DLC1: variants seen among roughly 807,000 people sequenced by gnomAD.
The protein encoded by DLC1 is DLC1 Rho GTPase activating protein, also known as rho GTPase-activating protein 7.
DLC1 carries 54 observed loss-of-function variants against 140.3 expected under a neutral mutation model. The ratio of observed to expected loss-of-function variants is 0.38; its 90% CI spans 0.31 to 0.48. DLC1 has a LOEUF of 0.48. Among genes scored for constraint, DLC1 ranks in the 20% least tolerant of loss-of-function variants. DLC1 has a pLI of 0.96. For missense variants in DLC1, 2,536 were observed against 1,907.0 expected, an observed-to-expected ratio of 1.33 and a Z score of -6.14; for synonymous variants, 986 against 728.1, an observed-to-expected ratio of 1.35 and a Z score of -5.70.
intron 1 of DLC1, among the ~76,000 whole-genome samples, chr8:13,597,962 G>C (rs1285333211): frequency 6.6e-6 from 1 of 152,032 alleles, no homozygotes; most frequent in African/African-American, 2.4e-5. Flanking sequence ...AATTTATTGG[G>C]ATTGAAGATG....
chr8:13,376,914 G>C (rs535551969), intron 4 of DLC1, among the ~76,000 whole-genome samples: 3 of 152,060 alleles, frequency 2.0e-5, no homozygotes, highest in African/African-American at 7.2e-5. Flanking sequence ...TGGCTATATG[G>C]TATAGATTAT....
chr8:13,584,528 T>A (rs774102038), intron 1 of DLC1: 1 of 152,204 alleles, frequency 6.6e-6, no homozygotes, highest in Non-Finnish European at 1.5e-5. Context: ...GGCACTTGTT[T>A]TCCTCTGAGA....
At chr8:13,505,540 A>G (rs1436638573) in intron 1 of DLC1, among the ~76,000 whole-genome samples, 1 of 152,234 alleles carries the variant, frequency 6.6e-6, no homozygotes, top group African/African-American at 2.4e-5. Context: ...TTTTAAGGTT[A>G]AGCTGATGCA....
intron 5 of DLC1, among the ~76,000 whole-genome samples, chr8:13,149,556 T>G (rs1331113862): frequency 6.6e-6 from 1 of 152,190 alleles, no homozygotes; most frequent in Non-Finnish European, 1.5e-5. Flanking sequence ...AAAATCTGAT[T>G]AGGGTCCTTC....
intron 4 of DLC1, among the ~76,000 whole-genome samples, chr8:13,382,507 A>AAG (rs1836318837): frequency 1.1e-5 from 1 of 93,142 alleles, no homozygotes; most frequent in Admixed American, 9.9e-5. Flanking sequence ...CTCCGTCTCA[A>AAG]AAAAAAAAAA....
intron 5 of DLC1, among the ~76,000 whole-genome samples, chr8:13,206,184 T>G (rs1827655166): frequency 6.6e-6 from 1 of 152,200 alleles, no homozygotes; most frequent in South Asian, 2.1e-4. Context: ...GCCAATGATC[T>G]AAAGACTCAT....
Position 13,497,577 on chromosome 8 carries a change from T to C in DLC1, c.1023+1472A>G, listed in dbSNP as rs543815166. Among the ~76,000 whole-genome samples the C allele has an allele frequency of 1.3e-4, 20 of 152,328 alleles. No homozygotes were observed. In the South Asian group the frequency reaches 4.1e-3, roughly 32 times the overall value. ...AAGAGTAAATTCTTTCCAGCATTCT[T>C]AGTATTGATATAAATGTTCAAGTGG... On this transcript the variant is annotated intron_variant, in intron 2 of 17. Coordinates refer to ENST00000276297, the MANE Select transcript of DLC1 (RefSeq NM_182643.3).
intron 3 of DLC1, among the ~76,000 whole-genome samples, chr8:13,394,117 A>T (rs57257368): frequency 0.015 from 2,264 of 152,286 alleles, 55 homozygotes; most frequent in African/African-American, 0.051. Flanking sequence ...TCAAATACAA[A>T]GAGAGTTCTC....
intron 4 of DLC1, among the ~76,000 whole-genome samples, chr8:13,389,605 G>A (rs1296055589): frequency 1.7e-5 from 2 of 121,116 alleles, no homozygotes; most frequent in Non-Finnish European, 3.7e-5. Context: ...CTATATTACT[G>A]CTTAATTTTC....
At chr8:13,213,358 T>C (rs1244797158) in intron 5 of DLC1, among the ~76,000 whole-genome samples, 2 of 152,162 alleles carry the variant, frequency 1.3e-5, no homozygotes, top group Non-Finnish European at 2.9e-5. Flanking sequence ...TATATAGAAA[T>C]AACAACAGAA....
In DLC1 at chr8:13,579,344, TATATATATATATATA is replaced by T. The variant is rs1417997452; in HGVS notation, c.-126+25178_-126+25192del. Among the ~76,000 whole-genome samples, 3 of 55,662 alleles carry T rather than the reference TATATATATATATATA, an allele frequency of 5.4e-5. 1 individual carries two copies. Among genetic ancestry groups the T allele is most frequent in the Non-Finnish European group, 8.6e-5 (3 of 34,870 alleles). 36.5% of individuals were successfully genotyped at this position (55,662 alleles called of 152,430 possible). ...ATATATATATATATATATATATATA[TATATATATATATATA>T]TATTTTTATATAATACATATTTATA... On this transcript the variant is annotated intron_variant, in intron 1 of 1. Transcript: ENST00000631382.
chr8:13,444,464 T>A (rs548408708), intron 2 of DLC1, among the ~76,000 whole-genome samples: 13 of 152,094 alleles, frequency 8.5e-5, no homozygotes, highest in African/African-American at 1.2e-4. Flanking sequence ...AAAAAAGAAT[T>A]CCTGGTTTTA....
At chr8:13,268,957 C>G (rs1301084119) in intron 5 of DLC1, among the ~76,000 whole-genome samples, 1 of 149,396 alleles carries the variant, frequency 6.7e-6, no homozygotes, top group Non-Finnish European at 1.5e-5. Flanking sequence ...TCACTGCAAG[C>G]TCCGCCTCCC....
rs1491096140 is a variant in DLC1, at chr8:13,587,602, C to CCTAT, written c.-126+16934_-126+16935insATAG. Among the ~76,000 whole-genome samples the CCTAT allele has an allele frequency of 4.4e-4, 62 of 142,094 alleles. 1 individual carries two copies. In the South Asian group the frequency reaches 0.013, roughly 29 times the overall value. The allele number at this position is 142,094 out of a possible 152,430, so 93.2% of individuals were successfully genotyped here. On this transcript the variant is annotated intron_variant, in intron 1 of 1. Coordinates refer to the DLC1 transcript ENST00000631382. ...AGAAAATATATATATATATACATTG[C>CCTAT]ATATATATATATATATATATATACA...
At chr8:13,424,988 A>G (rs1838491143) in intron 2 of DLC1, among the ~76,000 whole-genome samples, 1 of 152,202 alleles carries the variant, frequency 6.6e-6, no homozygotes, top group South Asian at 2.1e-4. Flanking sequence ...ATTGCTAAAT[A>G]TTGACAGGAA....
intron 14 of DLC1, among the ~76,000 whole-genome samples, chr8:13,090,969 T>C (rs1005434473): frequency 6.6e-6 from 1 of 151,992 alleles, no homozygotes; most frequent in African/African-American, 2.4e-5. Flanking sequence ...CACACCCGGC[T>C]AATTTTTAAA....
At chr8:13,550,060 A>G (rs1021229565) in intron 1 of DLC1, among the ~76,000 whole-genome samples, 3 of 152,132 alleles carry the variant, frequency 2.0e-5, no homozygotes, top group Non-Finnish European at 4.4e-5. Flanking sequence ...ACAGGCAACT[A>G]TCCTTACAAT....
intron 2 of DLC1, among the ~76,000 whole-genome samples, chr8:13,404,312 C>G (rs542900996): frequency 6.6e-6 from 1 of 152,064 alleles, no homozygotes; most frequent in Non-Finnish European, 1.5e-5. Context: ...ACTCCCCTGA[C>G]CCATTTCAAG....
intron 4 of DLC1, among the ~76,000 whole-genome samples, chr8:13,346,150 T>C (rs1834325360): frequency 6.6e-6 from 1 of 152,232 alleles, no homozygotes; most frequent in Non-Finnish European, 1.5e-5. Flanking sequence ...ACTTGAGTTT[T>C]GCACTTTGGG....
Sources: gnomAD v4.1 joint callset for allele counts (sites outside exome capture counted in the v4.1 genomes callset) on GRCh38, gnomAD v4.1.1 for gene constraint, MANE v1.5 for transcripts, NCBI Gene and HGNC (gene_info 2026-07-23, HGNC 2026-07-21) for gene names.